The following KCNK4 variants were observed in gnomAD, a reference collection of about 807,000 sequenced individuals.
KCNK4 encodes potassium channel subfamily K member 4.
KCNK4 carries 22 observed loss-of-function variants against 28.8 expected under a neutral mutation model. The observed-to-expected ratio is 0.76, with a 90% CI of 0.55 to 1.09. The LOEUF is 1.09. KCNK4 is among the 50% of genes least tolerant of loss of function. KCNK4 has a pLI of 0.00. For synonymous variants in KCNK4, 263 were observed against 252.9 expected, an observed-to-expected ratio of 1.04 and a Z score of -0.38; for missense variants, 483 against 546.3, an observed-to-expected ratio of 0.88 and a Z score of 1.15.
intron 4 of KCNK4, 69 bp from the exon 5 acceptor site, chr11:64,297,398 G>C: frequency 1.3e-6 from 2 of 1,583,392 alleles, no homozygotes; most frequent in Non-Finnish European, 1.7e-6. Flanking sequence ...TCCTGGGGGC[G>C]GGAGTGGGGA....
chr11:64,299,417 G>C lies in KCNK4; in HGVS notation c.873G>C (p.Gly291=). Residue 291 remains glycine (G), a synonymous_variant, in exon 7 of 7, where the codon GGG becomes GGC. Transcript: ENST00000422670. ...TVTARVTQRA[G]PAAPPPEKEQ... Reference sequence around the variant, plus strand: ...CAGCGCGCGTGACCCAGCGAGCCGGGCCCGCCGCCCCGCCGCCGGAGAAGG... The same window carrying C: ...CAGCGCGCGTGACCCAGCGAGCCGGCCCCGCCGCCCCGCCGCCGGAGAAGG... The C allele has an allele frequency of 6.3e-7, 1 of 1,577,190 alleles. No homozygotes were observed. The highest frequency in any genetic ancestry group is 8.6e-7 in the Non-Finnish European group (1 of 1,164,396).
intron 2 of KCNK4, among the ~76,000 whole-genome samples, chr11:64,294,185 T>G (rs1254755950): frequency 6.6e-6 from 1 of 151,832 alleles, no homozygotes; most frequent in Admixed American, 6.6e-5. Flanking sequence ...TGCGTCAGGG[T>G]TCCCTGAGGC....
intron 6 of KCNK4, 138 bp downstream of exon 6, chr11:64,298,387 C>T (rs1303887462): frequency 2.1e-5 from 22 of 1,051,296 alleles, no homozygotes; most frequent in African/African-American, 1.1e-4. Context: ...CTGTGTGTGC[C>T]CCGCAGGGAA....
chr11:64,297,044 C>T (rs2034784644), intron 3 of KCNK4, 43 bp downstream of exon 3: 1 of 1,593,000 alleles, frequency 6.3e-7, no homozygotes, highest in African/African-American at 1.3e-5. Context: ...AAGGAGCTTC[C>T]TCATGGGGGA....
chr11:64,297,245 G>A lies in KCNK4; in HGVS notation c.440G>A (p.Arg147His), dbSNP rs376946590. 2.2e-5 allele frequency: 36 copies of A among 1,613,566 alleles called. No homozygotes were observed. In the East Asian group the frequency reaches 2.5e-4, roughly 11 times the overall value. ...GGGGACCGGCTGGGCTCCTCCCTGC[G>A]CCATGGCATCGGTCACATTGAAGCC... ...GVGDRLGSSL[R>H]HGIGHIEAIF... Residue 147 changes from arginine (R) to histidine (H), a missense_variant, in exon 4 of 7, where the codon CGC becomes CAC. Arg to His is a conservative substitution (Grantham distance 29). Transcript: ENST00000422670.
intron 6 of KCNK4, 24 bp downstream of exon 6, chr11:64,298,273 G>A: frequency 1.9e-6 from 3 of 1,610,140 alleles, no homozygotes; most frequent in Non-Finnish European, 2.5e-6. Flanking sequence ...GGTTGGCACT[G>A]TGCCTGCGCA....
At chr11:64,298,819 G>T (rs981678557) in intron 6 of KCNK4, among the ~76,000 whole-genome samples, 2 of 151,996 alleles carry the variant, frequency 1.3e-5, no homozygotes, top group African/African-American at 4.8e-5. Context: ...GAGGCGGGTG[G>T]ATCACGAGGT....
At position 64,299,869 on chromosome 11, in the gene KCNK4, C is replaced by G; in HGVS notation, c.*143C>G. 2.0e-6 allele frequency: 3 copies of G among 1,478,468 alleles called. No individual in the cohort carries two copies. Among genetic ancestry groups the G allele is most frequent in the Non-Finnish European group, 2.7e-6 (3 of 1,097,336 alleles). The allele number at this position is 1,478,468 out of a possible 1,614,324, so 91.6% of individuals were successfully genotyped here. ...AGTTGCCTCTCCGCCTCCTCCCTGG[C>G]CCCGGCCCTTCCCTCACTTCCATCC... On this transcript the variant is annotated 3_prime_UTR_variant, in exon 7 of 7. Transcript: ENST00000422670.
At chr11:64,292,711 G>A (rs1260095362) in intron 1 of KCNK4, 14 of 298,344 alleles carry the variant, frequency 4.7e-5, no homozygotes, top group Non-Finnish European at 7.7e-5. Flanking sequence ...CCTTCTCGGT[G>A]CCCTCCTCTC....
In KCNK4 at chr11:64,299,434, C is replaced by G; in HGVS notation, c.890C>G (p.Pro297Arg). 6.3e-7 allele frequency: 1 copy of G among 1,591,774 alleles called. No homozygotes were observed. Among genetic ancestry groups the G allele is most frequent in the South Asian group, 1.1e-5 (1 of 89,378 alleles). Reference protein sequence around the residue: ...TQRAGPAAPPPEKEQPLLPPP... With the variant: ...TQRAGPAAPPREKEQPLLPPP... ...CGAGCCGGGCCCGCCGCCCCGCCGC[C>G]GGAGAAGGAGCAGCCACTGCTGCCT... Residue 297 changes from proline (P) to arginine (R), a missense_variant, in exon 7 of 7, where the codon CCG (proline) becomes CGG (arginine). By Grantham distance (103) the Pro-to-Arg change is moderately radical. Coordinates refer to ENST00000422670, the MANE Select transcript of KCNK4 (RefSeq NM_033310.3).
In KCNK4 at chr11:64,295,578, G is replaced by A. The variant is rs537640281; in HGVS notation, c.190-1300G>A. On this transcript the variant is annotated intron_variant, in intron 2 of 6. Transcript: ENST00000422670. ...TAAATCACTTTTAATTAGCTATTTC[G>A]CTTCTTGCTTTTATTAACAGTTATT... Among the ~76,000 whole-genome samples the A allele has an allele frequency of 1.5e-4, 22 of 151,682 alleles. No homozygotes were observed. The South Asian group carries it at 4.1e-3, about 29-fold the overall frequency.
At position 64,298,218 on chromosome 11, in the gene KCNK4, TGCGAGTAGTGTCCCGCC is replaced by T. The variant is rs2034826770; in HGVS notation, c.773_789del (p.Arg258HisfsTer164). On this transcript the variant is annotated frameshift_variant, in exon 6 of 7. Coordinates refer to ENST00000422670, the MANE Select transcript of KCNK4 (RefSeq NM_033310.3). LOFTEE classifies it low-confidence loss of function (END_TRUNC). ...GTGCTCACCACCATCGGGAACTGGC[TGCGAGTAGTGTCCCGCC>T]GCACTCGGGCAGAGGTAGGCGCCCC... is the stretch of plus-strand genomic sequence containing the variant. The T allele has an allele frequency of 1.9e-6, 3 of 1,612,992 alleles. No individual in the cohort carries two copies. The highest frequency in any genetic ancestry group is 2.5e-6 in the Non-Finnish European group (3 of 1,180,036).
At chr11:64,298,347 G>C in intron 6 of KCNK4, 98 bp downstream of exon 6, 1 of 1,459,342 alleles carries the variant, frequency 6.9e-7, no homozygotes, top group Non-Finnish European at 9.3e-7. Context: ...TCCAGGGCGT[G>C]GGCTCCTGAG....
chr11:64,297,919 T>G (rs536565997), intron 5 of KCNK4, among the ~76,000 whole-genome samples, 191 bp from the exon 6 acceptor site: 1 of 152,202 alleles, frequency 6.6e-6, no homozygotes, highest in African/African-American at 2.4e-5. Context: ...CCTTCTTGCA[T>G]GCTTTTATCT....
At chr11:64,294,100 C>G (rs1435071928) in intron 2 of KCNK4, among the ~76,000 whole-genome samples, 1 of 152,140 alleles carries the variant, frequency 6.6e-6, no homozygotes, top group Non-Finnish European at 1.5e-5. Flanking sequence ...GTTCCAGGAT[C>G]CATGCCACCA....
chr11:64,299,315 T>C, intron 6 of KCNK4, 31 bp from the exon 7 acceptor site: 1 of 1,493,896 alleles, frequency 6.7e-7, no homozygotes. Context: ...TCTAGACCTC[T>C]AGTCGAGGGC....
In KCNK4 at chr11:64,298,258, C is replaced by T; in HGVS notation, c.801+9C>T. Reference sequence around the variant, plus strand: ...GCCGCACTCGGGCAGAGGTAGGCGCCCCAGGGTTGGCACTGTGCCTGCGCA... The same window carrying T: ...GCCGCACTCGGGCAGAGGTAGGCGCTCCAGGGTTGGCACTGTGCCTGCGCA... On this transcript the variant is annotated intron_variant, in intron 6 of 6. Transcript: ENST00000422670. The T allele has an allele frequency of 6.2e-7, 1 of 1,607,908 alleles. No homozygotes were observed. The highest frequency in any genetic ancestry group is 1.1e-5 in the South Asian group (1 of 91,020).
chr11:64,295,828 C>T (rs1373204298), intron 2 of KCNK4, among the ~76,000 whole-genome samples: 1 of 152,046 alleles, frequency 6.6e-6, no homozygotes, highest in Non-Finnish European at 1.5e-5. Context: ...CTAATGAGGA[C>T]TTCAGTCAGG....
chr11:64,292,517 T>TC (rs1405332454), intron 1 of KCNK4: 2 of 152,522 alleles, frequency 1.3e-5, no homozygotes, highest in East Asian at 3.8e-4. Context: ...CATTCCCCTG[T>TC]CCCCGCCTTG....
Sources: gnomAD v4.1 joint callset for allele counts (sites outside exome capture counted in the v4.1 genomes callset) on GRCh38, gnomAD v4.1.1 for gene constraint, MANE v1.5 for transcripts, NCBI Gene and HGNC (gene_info 2026-07-23, HGNC 2026-07-21) for gene names.